The following OTULINL variants were observed in gnomAD, a reference collection of about 807,000 sequenced individuals.
OTULINL encodes OTU deubiquitinase with linear linkage specificity like, also known as inactive ubiquitin thioesterase OTULINL.
Under a neutral mutation model 43.9 loss-of-function variants are expected in OTULINL, and 42 were observed. The ratio of observed to expected loss-of-function variants is 0.96; its 90% CI spans 0.75 to 1.24. The LOEUF is 1.24. OTULINL is among the 50% of genes most tolerant of loss of function. The pLI, the probability that OTULINL is intolerant of heterozygous loss-of-function variation, is 0.00. For missense variants in OTULINL, 411 were observed against 426.4 expected, an observed-to-expected ratio of 0.96 and a Z score of 0.32; for synonymous variants, 172 against 153.6, an observed-to-expected ratio of 1.12 and a Z score of -0.88.
At chr5:14,590,532 T>A (rs954676702) in intron 1 of OTULINL, among the ~76,000 whole-genome samples, 2 of 152,130 alleles carry the variant, frequency 1.3e-5, no homozygotes, top group Admixed American at 1.3e-4. Flanking sequence ...TATAGGCCCA[T>A]GTAAAGGTAT....
chr5:14,592,276 A>G (rs957463914), intron 1 of OTULINL, among the ~76,000 whole-genome samples: 1 of 152,178 alleles, frequency 6.6e-6, no homozygotes, highest in Non-Finnish European at 1.5e-5. Flanking sequence ...TCATGTAGGG[A>G]CTGGTTGAGA....
In OTULINL at chr5:14,615,121, GA is replaced by G; in HGVS notation, c.*4811del. ...TTTTGTTTTGCTTGTTCACAAGTTTGAAAAGGTGCATGAGGCACCAATCAGT... is the reference window on the plus strand; with the variant it reads ...TTTTGTTTTGCTTGTTCACAAGTTTGAAAGGTGCATGAGGCACCAATCAGT... On this transcript the variant is annotated 3_prime_UTR_variant, in exon 8 of 8. Transcript: ENST00000274217. The G allele has an allele frequency of 5.6e-6, 1 of 178,296 alleles. No individual in the cohort carries two copies. Among genetic ancestry groups the G allele is most frequent in the Non-Finnish European group, 1.2e-5 (1 of 85,650 alleles). 11.0% of individuals were successfully genotyped at this position (178,296 alleles called of 1,614,324 possible). A position where few individuals can be genotyped will look rare whatever the true frequency, so the allele number is the denominator to read the frequency against.
intron 1 of OTULINL, among the ~76,000 whole-genome samples, chr5:14,591,531 A>G (rs1430551934): frequency 6.6e-6 from 1 of 152,156 alleles, no homozygotes; most frequent in Non-Finnish European, 1.5e-5. Flanking sequence ...TCTGCCACTC[A>G]GATCAATCTC....
intron 7 of OTULINL, 84 bp from the exon 8 acceptor site, chr5:14,610,057 G>A: frequency 5.8e-6 from 7 of 1,201,456 alleles, no homozygotes; most frequent in Non-Finnish European, 8.5e-6. Flanking sequence ...TTCATAAACT[G>A]CAGAGGAACA....
chr5:14,609,099 T>C (rs577390087), intron 7 of OTULINL, 82 bp downstream of exon 7: 28 of 1,435,932 alleles, frequency 1.9e-5, no homozygotes, highest in African/African-American at 1.8e-4. Context: ...GGGGTGACTT[T>C]TCAGTGGTGA....
At chr5:14,590,916 A>G (rs535605368) in intron 1 of OTULINL, among the ~76,000 whole-genome samples, 1 of 151,964 alleles carries the variant, frequency 6.6e-6, no homozygotes, top group Admixed American at 6.6e-5. Context: ...TTTACATTGT[A>G]AAGAGTTTTG....
chr5:14,597,839 T>C (rs923541923), intron 1 of OTULINL, among the ~76,000 whole-genome samples: 5 of 152,120 alleles, frequency 3.3e-5, no homozygotes, highest in African/African-American at 1.2e-4. Context: ...GACAAAACAA[T>C]GTGGACACAT....
intron 1 of OTULINL, among the ~76,000 whole-genome samples, chr5:14,593,508 G>A (rs776993554): frequency 3.9e-5 from 6 of 152,210 alleles, no homozygotes; most frequent in Non-Finnish European, 7.3e-5. Context: ...GAGGAGGCCT[G>A]TGTGGTTGGA....
rs145577314 is a variant in OTULINL, at chr5:14,610,191, C to G, written c.948C>G (p.Phe316Leu). ...GYSLEVKIKV[F>L]RLFKFNSRDF... ...CCCTTGAAGTAAAGATAAAAGTGTT[C>G]AGACTGTTCAAGTTTAACTCCAGAG... Residue 316 changes from phenylalanine to leucine, a missense_variant, in exon 8 of 8, where the codon TTC (phenylalanine) becomes TTG (leucine). Phe to Leu is a conservative substitution (Grantham distance 22). Coordinates refer to ENST00000274217, the MANE Select transcript of OTULINL (RefSeq NM_019018.3). 1 of 1,614,016 alleles carries G rather than the reference C, an allele frequency of 6.2e-7. No homozygotes were observed. The highest frequency in any genetic ancestry group is 1.3e-5 in the African/African-American group (1 of 75,028).
rs1431561664 is a variant in OTULINL at position 14,613,756 on chromosome 5, T to A, written c.*3442T>A. On this transcript the variant is annotated 3_prime_UTR_variant, in exon 8 of 8. Coordinates refer to ENST00000274217, the MANE Select transcript of OTULINL (RefSeq NM_019018.3). ...AGGTGAAAGTCCCCAGGGCCCTCTC[T>A]AGGGGACCGGAGACCTCCAGACTAA... Among the ~76,000 whole-genome samples the A allele has an allele frequency of 1.3e-5, 2 of 152,086 alleles. No individual in the cohort carries two copies. Among genetic ancestry groups the A allele is most frequent in the African/African-American group, 4.8e-5 (2 of 41,424 alleles).
chr5:14,609,824 G>A (rs910185517), intron 7 of OTULINL, among the ~76,000 whole-genome samples: 1 of 152,088 alleles, frequency 6.6e-6, no homozygotes, highest in African/African-American at 2.4e-5. Context: ...TAGAGACGGG[G>A]TTTCACCGTG....
intron 5 of OTULINL, among the ~76,000 whole-genome samples, chr5:14,604,143 G>A (rs920590498): frequency 3.3e-5 from 5 of 152,050 alleles, no homozygotes; most frequent in Admixed American, 2.0e-4. Flanking sequence ...ACCAACCTGG[G>A]CAACAGAGCA....
intron 6 of OTULINL, 59 bp downstream of exon 6, chr5:14,607,517 G>C: frequency 6.3e-7 from 1 of 1,596,848 alleles, no homozygotes; most frequent in Non-Finnish European, 8.5e-7. Context: ...CCCAGATAGA[G>C]CCAGTTTTCT....
chr5:14,585,692 A>T (rs1306093295), intron 1 of OTULINL, among the ~76,000 whole-genome samples: 2 of 152,216 alleles, frequency 1.3e-5, no homozygotes, highest in Non-Finnish European at 2.9e-5. Context: ...AGATAATGTT[A>T]TATAATCTTT....
chr5:14,598,069 C>T (rs1759317735), intron 1 of OTULINL, among the ~76,000 whole-genome samples: 1 of 152,094 alleles, frequency 6.6e-6, no homozygotes, highest in South Asian at 2.1e-4. Flanking sequence ...GAGAGATGGC[C>T]CAGCTTCAGG....
chr5:14,598,687 C>T (rs995141678), intron 1 of OTULINL, among the ~76,000 whole-genome samples: 22 of 152,126 alleles, frequency 1.4e-4, no homozygotes, highest in Non-Finnish European at 2.6e-4. Context: ...CTCCATGCTC[C>T]AGCCTGGGCA....
intron 1 of OTULINL, among the ~76,000 whole-genome samples, chr5:14,586,269 T>C (rs1318130522): frequency 6.6e-6 from 1 of 152,234 alleles, no homozygotes; most frequent in African/African-American, 2.4e-5. Context: ...TCTAAATAAA[T>C]CAACAGAAAG....
chr5:14,589,991 T>C (rs1759171944), intron 1 of OTULINL, among the ~76,000 whole-genome samples: 1 of 152,172 alleles, frequency 6.6e-6, no homozygotes, highest in African/African-American at 2.4e-5. Flanking sequence ...TAGGCATAGC[T>C]TCCAGCCATA....
At chr5:14,607,527 T>A in intron 6 of OTULINL, 69 bp downstream of exon 6, 1 of 1,583,932 alleles carries the variant, frequency 6.3e-7, no homozygotes, top group South Asian at 1.1e-5. Flanking sequence ...GCCAGTTTTC[T>A]CTGATGTCAG....
Sources: gnomAD v4.1 joint callset for allele counts (sites outside exome capture counted in the v4.1 genomes callset) on GRCh38, gnomAD v4.1.1 for gene constraint, MANE v1.5 for transcripts, NCBI Gene and HGNC (gene_info 2026-07-23, HGNC 2026-07-21) for gene names.